The following SCARA5 variants were observed in gnomAD, a reference collection of about 807,000 sequenced individuals.
The protein encoded by SCARA5 is scavenger receptor class A member 5.
A neutral mutation model predicts 46.3 loss-of-function variants in SCARA5; 45 were observed. The observed-to-expected ratio is 0.97, with a 90% CI of 0.76 to 1.24. The LOEUF is 1.24. Among genes scored for constraint, SCARA5 ranks in the 50% most tolerant of loss-of-function variants. The probability of loss-of-function intolerance (pLI) is 0.00; values close to 1 mark genes in which losing one functional copy is unlikely to be tolerated. For missense variants in SCARA5, 680 were observed against 689.0 expected, an observed-to-expected ratio of 0.99 and a Z score of 0.15; for synonymous variants, 333 against 306.5, an observed-to-expected ratio of 1.09 and a Z score of -0.90.
intron 3 of SCARA5, among the ~76,000 whole-genome samples, chr8:27,965,760 A>G (rs543846095): frequency 1.2e-4 from 18 of 152,352 alleles, no homozygotes; most frequent in African/African-American, 4.1e-4. Context: ...GGAGAAGACC[A>G]CTACAGCCAT....
chr8:27,989,541 G>A (rs1808756272), intron 1 of SCARA5, among the ~76,000 whole-genome samples: 1 of 152,204 alleles, frequency 6.6e-6, no homozygotes, highest in African/African-American at 2.4e-5. Flanking sequence ...TGACCCAGGA[G>A]GGCTGGACGC....
At chr8:27,971,683 G>A (rs1808449823) in intron 2 of SCARA5, among the ~76,000 whole-genome samples, 1 of 152,192 alleles carries the variant, frequency 6.6e-6, no homozygotes, top group Non-Finnish European at 1.5e-5. Flanking sequence ...AGGTCAGGAA[G>A]CCAAGAGGTC....
At chr8:27,989,432 C>T (rs535891479) in intron 1 of SCARA5, among the ~76,000 whole-genome samples, 3 of 152,200 alleles carry the variant, frequency 2.0e-5, no homozygotes, top group South Asian at 4.2e-4. Flanking sequence ...CCAGCTGAAG[C>T]CCCTATTTTC....
chr8:27,910,358 A>T (rs368840402), intron 4 of SCARA5: 1 of 152,346 alleles, frequency 6.6e-6, no homozygotes, highest in African/African-American at 2.4e-5. Context: ...AAGAGTGAAA[A>T]GGGACAGTTC....
chr8:27,913,693 C>T (rs906521569), intron 4 of SCARA5, among the ~76,000 whole-genome samples: 2 of 152,180 alleles, frequency 1.3e-5, no homozygotes. Context: ...GTGTGCCTTG[C>T]TGTCTGATCC....
chr8:27,967,409 C>T (rs1344037070), intron 2 of SCARA5, among the ~76,000 whole-genome samples: 2 of 152,140 alleles, frequency 1.3e-5, no homozygotes, highest in Non-Finnish European at 2.9e-5. Flanking sequence ...TCTCAGATGG[C>T]CCATGAAGAG....
rs1207476846 is a variant in SCARA5, at chr8:27,871,663, CA to C, written c.*270del. 3.7e-6 allele frequency: 5 copies of C among 1,341,524 alleles called. No homozygotes were observed. Among genetic ancestry groups the C allele is most frequent in the Non-Finnish European group, 4.8e-6 (5 of 1,042,922 alleles). 83.1% of individuals were successfully genotyped at this position (1,341,524 alleles called of 1,614,324 possible). ...TGGTGCATGGTGTTCAGAGGCTGGG[CA>C]AAGTGGTGATCCAGTTGATCAGGGC... On this transcript the variant is annotated 3_prime_UTR_variant, in exon 9 of 9. Transcript: ENST00000354914.
Position 27,921,735 on chromosome 8 carries a change from A to T in SCARA5, c.752T>A (p.Leu251Gln). ...HRTRLQDLRV[L>Q]VSNASEDTRR... Reference sequence around the variant, plus strand: ...CGTGTCCTCGCTGGCGTTGCTCACCAGCACCCGCAGGTCCTGCAGCCGCGT... The same window carrying T: ...CGTGTCCTCGCTGGCGTTGCTCACCTGCACCCGCAGGTCCTGCAGCCGCGT... The change falls in exon 4 of 9, where the codon CTG (leucine) becomes CAG (glutamine). Residue 251 changes from leucine (L) to glutamine (Q), a missense_variant. By Grantham distance (113) the Leu-to-Gln change is moderately radical (BLOSUM62 -2). Coordinates refer to ENST00000354914, the MANE Select transcript of SCARA5 (RefSeq NM_173833.6). 1.9e-6 allele frequency: 3 copies of T among 1,589,856 alleles called. No individual in the cohort carries two copies. Among genetic ancestry groups the T allele is most frequent in the East Asian group, 4.6e-5 (2 of 43,852 alleles).
chr8:27,903,666 T>C (rs1427060712), intron 7 of SCARA5: 1 of 152,494 alleles, frequency 6.6e-6, no homozygotes, highest in African/African-American at 2.4e-5. Flanking sequence ...CTATGGCTAA[T>C]TATTAGTGGT....
At chr8:27,883,406 C>T (rs1205245193) in intron 7 of SCARA5, among the ~76,000 whole-genome samples, 7 of 152,204 alleles carry the variant, frequency 4.6e-5, no homozygotes, top group African/African-American at 1.7e-4. Context: ...CTGCCCGCCC[C>T]ACTACTCTTG....
At chr8:27,932,411 G>A (rs1807789981) in intron 3 of SCARA5, among the ~76,000 whole-genome samples, 1 of 152,186 alleles carries the variant, frequency 6.6e-6, no homozygotes, top group African/African-American at 2.4e-5. Flanking sequence ...AATTCCAGGG[G>A]GACCCTGTAT....
At chr8:27,904,692 T>G in intron 7 of SCARA5, 86 bp downstream of exon 7, 1 of 1,239,150 alleles carries the variant, frequency 8.1e-7, no homozygotes, top group Non-Finnish European at 1.2e-6. Flanking sequence ...CTCCAGCCTC[T>G]GAACCTCCAA....
Position 27,944,178 on chromosome 8 carries a change from T to A in SCARA5, c.242-21933A>T, listed in dbSNP as rs375444497. Among the ~76,000 whole-genome samples, 103 of 152,334 alleles carry A rather than the reference T, an allele frequency of 6.8e-4. 1 individual carries two copies. The South Asian group carries it at 0.02, about 29-fold the overall frequency. Reference sequence around the variant, plus strand: ...CCATCTAGAAAAGACTATGGAGCCATGAAAACCACATGTATATTCTGGATT... The same window carrying A: ...CCATCTAGAAAAGACTATGGAGCCAAGAAAACCACATGTATATTCTGGATT... On this transcript the variant is annotated intron_variant, in intron 3 of 8. Transcript: ENST00000354914.
intron 7 of SCARA5, among the ~76,000 whole-genome samples, chr8:27,890,833 G>T (rs1806969119): frequency 6.6e-6 from 1 of 152,242 alleles, no homozygotes; most frequent in Non-Finnish European, 1.5e-5. Flanking sequence ...GTCTAAACAT[G>T]TATCGATCTA....
chr8:27,973,281 A>G (rs1382109833), intron 2 of SCARA5, among the ~76,000 whole-genome samples: 1 of 152,132 alleles, frequency 6.6e-6, no homozygotes, highest in Non-Finnish European at 1.5e-5. Context: ...GTTCAAGACC[A>G]GCCTGGCCAA....
intron 2 of SCARA5, among the ~76,000 whole-genome samples, chr8:27,981,760 G>A (rs1808619159): frequency 6.6e-6 from 1 of 152,206 alleles, no homozygotes; most frequent in African/African-American, 2.4e-5. Context: ...CTGGCCACTG[G>A]CTCCCCCGGG....
intron 1 of SCARA5, among the ~76,000 whole-genome samples, chr8:27,987,912 C>A (rs1306601806): frequency 6.6e-6 from 1 of 152,172 alleles, no homozygotes; most frequent in Non-Finnish European, 1.5e-5. Context: ...CAACAACTCT[C>A]AGTGGGGCTG....
At chr8:27,989,135 T>C (rs1377972205) in intron 1 of SCARA5, among the ~76,000 whole-genome samples, 13 of 130,284 alleles carry the variant, frequency 1.0e-4, no homozygotes, top group Admixed American at 6.0e-4. Flanking sequence ...CTTTCTTTTT[T>C]TTTTTTTTTT....
intron 7 of SCARA5, among the ~76,000 whole-genome samples, chr8:27,893,880 G>A (rs537691431): frequency 3.9e-5 from 6 of 152,324 alleles, no homozygotes; most frequent in Admixed American, 1.3e-4. Flanking sequence ...CGCCCCCAGC[G>A]GGTTTAGGAG....
Sources: gnomAD v4.1 joint callset for allele counts (sites outside exome capture counted in the v4.1 genomes callset) on GRCh38, gnomAD v4.1.1 for gene constraint, MANE v1.5 for transcripts, NCBI Gene and HGNC (gene_info 2026-07-23, HGNC 2026-07-21) for gene names.